SDK1: variants seen among roughly 807,000 people sequenced by gnomAD.
SDK1 encodes sidekick cell adhesion molecule 1.
SDK1 carries 157 observed loss-of-function variants against 245.5 expected under a neutral mutation model. The ratio of observed to expected loss-of-function variants is 0.64; its 90% CI spans 0.56 to 0.73. SDK1 has a LOEUF of 0.73. SDK1 is among the 30% of genes least tolerant of loss of function. The pLI, the probability that SDK1 is intolerant of heterozygous loss-of-function variation, is 0.00. For synonymous variants in SDK1, 1,647 were observed against 1,278.5 expected (o/e 1.29, Z -6.15); for missense variants, 3,583 against 3,002.3 (o/e 1.19, Z -4.52).
chr7:3,352,093 T>A (rs1780674047), intron 1 of SDK1, among the ~76,000 whole-genome samples: 2 of 150,430 alleles, frequency 1.3e-5, no homozygotes, highest in South Asian at 4.2e-4. Flanking sequence ...GTCAATAAAT[T>A]AAGAAGTATA....
chr7:3,915,161 T>A (rs542331859), intron 5 of SDK1, among the ~76,000 whole-genome samples: 5 of 152,184 alleles, frequency 3.3e-5, no homozygotes, highest in Non-Finnish European at 7.3e-5. Context: ...GCAAATGACG[T>A]GGTAGGAGCA....
chr7:3,588,027 CTT>C (rs767285178), intron 1 of SDK1, among the ~76,000 whole-genome samples: 6 of 152,300 alleles, frequency 3.9e-5, no homozygotes, highest in Middle Eastern at 3.4e-3. Flanking sequence ...TAAATTGAAT[CTT>C]ATTTCAAATG....
At chr7:3,713,046 T>TG (rs1785094540) in intron 4 of SDK1, among the ~76,000 whole-genome samples, 1 of 152,196 alleles carries the variant, frequency 6.6e-6, no homozygotes, top group Admixed American at 6.5e-5. Context: ...CCCATGTGGC[T>TG]GGGGCATGGC....
At chr7:3,964,554 C>T (rs954774534) in intron 9 of SDK1, among the ~76,000 whole-genome samples, 5 of 152,018 alleles carry the variant, frequency 3.3e-5, no homozygotes, top group Non-Finnish European at 7.3e-5. Context: ...ACAGAAATAC[C>T]TTGGCTCTCT....
chr7:3,832,017 C>T (rs915406462), intron 5 of SDK1, among the ~76,000 whole-genome samples: 11 of 152,120 alleles, frequency 7.2e-5, no homozygotes, highest in Non-Finnish European at 1.6e-4. Flanking sequence ...CACCACTGTA[C>T]TCCAGCCTGG....
intron 5 of SDK1, among the ~76,000 whole-genome samples, chr7:3,905,654 C>G (rs1170146385): frequency 2.6e-5 from 4 of 151,672 alleles, no homozygotes; most frequent in African/African-American, 7.3e-5. Context: ...GAGGAACGTT[C>G]TTGCTCTGTT....
intron 20 of SDK1, among the ~76,000 whole-genome samples, chr7:4,074,314 C>G (rs983466613): frequency 2.6e-5 from 4 of 152,132 alleles, no homozygotes; most frequent in African/African-American, 4.8e-5. Flanking sequence ...AGTTTGCTGA[C>G]CTAAGCTGAT....
chr7:4,162,763 C>A (rs1199838784), intron 32 of SDK1, among the ~76,000 whole-genome samples: 1 of 152,178 alleles, frequency 6.6e-6, no homozygotes, highest in Non-Finnish European at 1.5e-5. Context: ...TCCAGATAAT[C>A]ACACACTCCT....
intron 22 of SDK1, among the ~76,000 whole-genome samples, chr7:4,103,191 T>C (rs11977052): frequency 2.6e-5 from 4 of 152,088 alleles, no homozygotes; most frequent in Non-Finnish European, 5.9e-5. Flanking sequence ...TAGTGGAGAC[T>C]GGGTTTCACC....
intron 4 of SDK1, among the ~76,000 whole-genome samples, chr7:3,705,411 A>G (rs1784855189): frequency 6.8e-6 from 1 of 147,120 alleles, no homozygotes; most frequent in Admixed American, 6.7e-5. Context: ...TGCTTGGTTA[A>G]GTATATTCCT....
At position 4,267,944 on chromosome 7, in the gene SDK1, C is replaced by T; in HGVS notation, c.*2560C>T. ...ATGTTTCCAGGTAGATTTTGGCCTC[C>T]CAGAGCAATGCGGCATTTGAGAAGC... On this transcript the variant is annotated 3_prime_UTR_variant, in exon 45 of 45. Transcript: ENST00000404826. The T allele has an allele frequency of 1.0e-6, 1 of 985,428 alleles. No homozygotes were observed. Among genetic ancestry groups the T allele is most frequent in the African/African-American group, 1.7e-5 (1 of 57,346 alleles). 61.0% of individuals were successfully genotyped at this position (985,428 alleles called of 1,614,324 possible).
At chr7:3,787,320 C>T (rs957839185) in intron 4 of SDK1, among the ~76,000 whole-genome samples, 2 of 152,126 alleles carry the variant, frequency 1.3e-5, no homozygotes, top group African/African-American at 4.8e-5. Context: ...AGCATCTAAA[C>T]TCTGATTAAC....
chr7:3,335,934 A>C (rs1780188539), intron 1 of SDK1, among the ~76,000 whole-genome samples: 1 of 151,520 alleles, frequency 6.6e-6, no homozygotes, highest in South Asian at 2.1e-4. Context: ...GGTGGAGAGA[A>C]GACTGTGGCC....
intron 1 of SDK1, among the ~76,000 whole-genome samples, chr7:3,403,986 G>A (rs866526825): frequency 2.0e-5 from 3 of 150,182 alleles, no homozygotes; most frequent in South Asian, 4.2e-4. Flanking sequence ...CACAAATTTT[G>A]TGGTTTCCCA....
rs535566671 is a variant in SDK1 at position 3,936,425 on chromosome 7, G to GA, written c.848-14488dup. ...TGAAACCCCATCTGTACTAAAAATA[G>GA]AAAAAAAAAATTAGCCAGGCATGGT... On this transcript the variant is annotated intron_variant, in intron 5 of 44. Transcript: ENST00000404826. Among the ~76,000 whole-genome samples the GA allele has an allele frequency of 2.4e-4, 36 of 149,464 alleles. No individual in the cohort carries two copies. The East Asian group carries it at 3.3e-3, about 14-fold the overall frequency.
chr7:3,447,411 C>T (rs1158043143), intron 1 of SDK1, among the ~76,000 whole-genome samples: 2 of 148,924 alleles, frequency 1.3e-5, no homozygotes, highest in African/African-American at 5.1e-5. Context: ...CATGCTCAAA[C>T]AAGTACACAC....
chr7:3,566,223 TC>T (rs1480029844), intron 1 of SDK1, among the ~76,000 whole-genome samples: 8 of 139,466 alleles, frequency 5.7e-5, no homozygotes, highest in South Asian at 4.8e-4. Flanking sequence ...ATAAACTTCT[TC>T]TTTTTTTTTT....
intron 44 of SDK1, among the ~76,000 whole-genome samples, chr7:4,247,853 G>A (rs1015228605): frequency 7.9e-5 from 12 of 152,112 alleles, no homozygotes; most frequent in Non-Finnish European, 1.3e-4. Context: ...CCAGACCCCC[G>A]TGTCTCCAGA....
chr7:3,593,691 TC>T (rs954865556), intron 1 of SDK1, among the ~76,000 whole-genome samples: 7 of 152,188 alleles, frequency 4.6e-5, no homozygotes, highest in Admixed American at 2.0e-4. Flanking sequence ...CAATCTCCCT[TC>T]CCTTCCTCCT....
Sources: gnomAD v4.1 joint callset for allele counts (sites outside exome capture counted in the v4.1 genomes callset) on GRCh38, gnomAD v4.1.1 for gene constraint, MANE v1.5 for transcripts, NCBI Gene and HGNC (gene_info 2026-07-23, HGNC 2026-07-21) for gene names.